Variants in CADM1 observed in about 807,000 individuals in gnomAD.
CADM1 encodes cell adhesion molecule 1, also known as TSLC-1.
In CADM1, 15 loss-of-function variants were observed where a neutral mutation model predicts 53.1. That is an observed-to-expected ratio of 0.28 (90% CI 0.19 to 0.44). CADM1 has a LOEUF of 0.44. Ranked by LOEUF, CADM1 falls within the 20% of genes least tolerant of loss-of-function variation. The probability of loss-of-function intolerance (pLI) is 1.00; values close to 1 mark genes in which losing one functional copy is unlikely to be tolerated. For missense variants in CADM1, 434 were observed against 611.3 expected, an observed-to-expected ratio of 0.71 and a Z score of 3.06; for synonymous variants, 281 against 243.0, an observed-to-expected ratio of 1.16 and a Z score of -1.45.
At chr11:115,407,153 T>C (rs1251606857) in intron 1 of CADM1, among the ~76,000 whole-genome samples, 1 of 152,062 alleles carries the variant, frequency 6.6e-6, no homozygotes. Context: ...CAACATACTC[T>C]AGCCATAGAC....
chr11:115,417,279 T>C (rs1224591705), intron 1 of CADM1, among the ~76,000 whole-genome samples: 1 of 152,190 alleles, frequency 6.6e-6, no homozygotes. Flanking sequence ...ATTACATGAC[T>C]AAGGGAGCTC....
intron 10 of CADM1, among the ~76,000 whole-genome samples, chr11:115,179,722 C>A (rs2134590061): frequency 6.7e-6 from 1 of 148,340 alleles, no homozygotes; most frequent in African/African-American, 2.5e-5. Context: ...AAACCATTGT[C>A]TTTTTTTTTT....
At chr11:115,482,830 G>C (rs768810983) in intron 1 of CADM1, among the ~76,000 whole-genome samples, 1 of 152,030 alleles carries the variant, frequency 6.6e-6, no homozygotes, top group Non-Finnish European at 1.5e-5. Flanking sequence ...ATAATAAAAC[G>C]AATAGGACTA....
chr11:115,236,186 G>A (rs778243956), intron 3 of CADM1, among the ~76,000 whole-genome samples: 4 of 152,180 alleles, frequency 2.6e-5, no homozygotes, highest in Non-Finnish European at 5.9e-5. Flanking sequence ...GTGTAAGTAC[G>A]CATGGAGTCC....
chr11:115,456,211 T>C (rs1042289449), intron 1 of CADM1, among the ~76,000 whole-genome samples: 1 of 152,088 alleles, frequency 6.6e-6, no homozygotes, highest in African/African-American at 2.4e-5. Context: ...CAGTAAGAAC[T>C]GGGTAGATGA....
At chr11:115,499,369 T>C (rs1283516975) in intron 1 of CADM1, among the ~76,000 whole-genome samples, 1 of 152,234 alleles carries the variant, frequency 6.6e-6, no homozygotes, top group Non-Finnish European at 1.5e-5. Flanking sequence ...ATGAAGGTGC[T>C]TTGGATGACA....
At chr11:115,502,082 T>C (rs1166253648) in intron 1 of CADM1, among the ~76,000 whole-genome samples, 4 of 152,170 alleles carry the variant, frequency 2.6e-5, no homozygotes, top group Non-Finnish European at 4.4e-5. Flanking sequence ...TTCATGTAGC[T>C]TTGACATGCA....
intron 1 of CADM1, among the ~76,000 whole-genome samples, chr11:115,388,998 A>C (rs994701750): frequency 5.3e-5 from 8 of 152,174 alleles, no homozygotes; most frequent in Non-Finnish European, 1.0e-4. Flanking sequence ...CCATAGTTAC[A>C]TAAGAAAATC....
chr11:115,308,682 A>G (rs1308213485), intron 1 of CADM1, among the ~76,000 whole-genome samples: 1 of 151,908 alleles, frequency 6.6e-6, no homozygotes, highest in African/African-American at 2.4e-5. Flanking sequence ...CCTGTTACAC[A>G]CAGTATAATA....
intron 1 of CADM1, among the ~76,000 whole-genome samples, chr11:115,407,087 G>A (rs1056161851): frequency 7.9e-5 from 12 of 152,224 alleles, no homozygotes; most frequent in Non-Finnish European, 7.4e-5. Flanking sequence ...AGTATTAAGT[G>A]TGATTGCTGC....
intron 1 of CADM1, among the ~76,000 whole-genome samples, chr11:115,273,714 G>A (rs142342798): frequency 7.9e-5 from 12 of 152,234 alleles, no homozygotes; most frequent in African/African-American, 9.6e-5. Flanking sequence ...TTCTACATGC[G>A]AAGCCATTAG....
At chr11:115,482,361 T>A (rs1413339670) in intron 1 of CADM1, among the ~76,000 whole-genome samples, 1 of 152,232 alleles carries the variant, frequency 6.6e-6, no homozygotes, top group East Asian at 1.9e-4. Context: ...AGTTCCTTGA[T>A]GGAAGAGAGC....
chr11:115,450,653 A>G (rs1343473486), intron 1 of CADM1, among the ~76,000 whole-genome samples: 2 of 152,212 alleles, frequency 1.3e-5, no homozygotes, highest in Non-Finnish European at 2.9e-5. Flanking sequence ...ACATTTCCAA[A>G]CAGGATTTTA....
At chr11:115,289,593 CTTTTTTTTTT>C (rs56766047) in intron 1 of CADM1, among the ~76,000 whole-genome samples, 28,184 of 110,004 alleles carry the variant, frequency 0.26, 4,527 homozygotes, top group East Asian at 0.67. Context: ...CTTTTTTTTT[CTTTTTTTTTT>C]TTTTTTTTTT....
chr11:115,405,636 A>G (rs1473949987), intron 1 of CADM1, among the ~76,000 whole-genome samples: 1 of 152,252 alleles, frequency 6.6e-6, no homozygotes, highest in Non-Finnish European at 1.5e-5. Context: ...AAATATATAT[A>G]GCAGTGAAAA....
chr11:115,250,861 C>G (rs1277077667), intron 1 of CADM1, among the ~76,000 whole-genome samples: 1 of 152,144 alleles, frequency 6.6e-6, no homozygotes, highest in Non-Finnish European at 1.5e-5. Flanking sequence ...TATCTGAATC[C>G]AGGTCTGTTT....
At chr11:115,202,514 G>A (rs1169764320) in intron 8 of CADM1, among the ~76,000 whole-genome samples, 1 of 152,112 alleles carries the variant, frequency 6.6e-6, no homozygotes, top group Non-Finnish European at 1.5e-5. Context: ...GTGTGTTTGA[G>A]TAAGGTGTAC....
chr11:115,363,795 TAAC>T (rs1946088751), intron 1 of CADM1: 3 of 152,174 alleles, frequency 2.0e-5, no homozygotes, highest in Admixed American at 6.5e-5. Flanking sequence ...ATGCACCACA[TAAC>T]AACTTTCGGT....
chr11:115,471,724 A>G (rs1243296590), intron 1 of CADM1, among the ~76,000 whole-genome samples: 1 of 152,082 alleles, frequency 6.6e-6, no homozygotes, highest in Non-Finnish European at 1.5e-5. Context: ...AGATCGGAGG[A>G]GAGATGGAGT....
Sources: allele counts gnomAD v4.1 joint callset (sites outside exome capture counted in the v4.1 genomes callset), GRCh38; gene constraint gnomAD v4.1.1; transcripts MANE v1.5; gene names NCBI Gene and HGNC (gene_info 2026-07-23, HGNC 2026-07-21).